The following ARHGEF10L variants were observed in gnomAD, a reference collection of about 807,000 sequenced individuals.
ARHGEF10L encodes Rho guanine nucleotide exchange factor 10 like.
In ARHGEF10L, 69 loss-of-function variants were observed where a neutral mutation model predicts 141.2. The observed-to-expected ratio is 0.49, with a 90% CI of 0.40 to 0.60. The LOEUF is 0.60. Among genes scored for constraint, ARHGEF10L ranks in the 20% least tolerant of loss-of-function variants. The probability of loss-of-function intolerance (pLI) is 0.00; values close to 1 mark genes in which losing one functional copy is unlikely to be tolerated. For missense variants in ARHGEF10L, 1,482 were observed against 1,734.3 expected (o/e 0.85, Z 2.58); for synonymous variants, 711 against 718.5 (o/e 0.99, Z 0.17).
rs952318171 is a variant in ARHGEF10L at position 17,625,542 on chromosome 1, G to C, written c.1318-414G>C. On this transcript the variant is annotated intron_variant, in intron 13 of 28. Coordinates refer to ENST00000361221, the MANE Select transcript of ARHGEF10L (RefSeq NM_018125.4). The surrounding 1 kb of genome is among the most constrained non-coding windows in gnomAD (Gnocchi z 4.5). ...GGACCAGGTAACAGGTGTGTGGATG[G>C]AGTGGGGGATGGATGCAAGAGACAG... 1.3e-4 allele frequency among the ~76,000 whole-genome samples: 20 copies of C among 152,092 alleles called. No homozygotes were observed. The highest frequency in any genetic ancestry group is 4.8e-4 in the African/African-American group (20 of 41,388).
intron 22 of ARHGEF10L, among the ~76,000 whole-genome samples, chr1:17,649,777 G>A (rs2061808505): frequency 6.6e-6 from 1 of 152,194 alleles, no homozygotes. Flanking sequence ...ATGGCCTCTT[G>A]GAGGAGGTGG....
At chr1:17,687,960 G>T (rs573209422) in intron 27 of ARHGEF10L, among the ~76,000 whole-genome samples, 2 of 152,312 alleles carry the variant, frequency 1.3e-5, no homozygotes, top group Admixed American at 6.5e-5. Context: ...CCCAGCCACC[G>T]CATCACAGCA....
chr1:17,627,371 G>C lies in ARHGEF10L; in HGVS notation c.1452G>C (p.Leu484=), dbSNP rs370122355. The change falls in exon 15 of 29, where the codon CTG becomes CTC. Residue 484 remains leucine, a synonymous_variant. Transcript: ENST00000361221. The surrounding 1 kb of genome is among the most constrained non-coding windows in gnomAD (Gnocchi z 4.0). ...CCCCCAGGGGCCATCCGGACAGGCT[G>C]TCGCTGCAGCTGGCCCTCACAGAGC... ...KNTPRGHPDR[L]SLQLALTELE... is the part of the protein sequence containing the mutation. 5 of 1,614,106 alleles carry C rather than the reference G, an allele frequency of 3.1e-6. No homozygotes were observed. The highest frequency in any genetic ancestry group is 4.2e-6 in the Non-Finnish European group (5 of 1,180,032).
the ARHGEF10L span, among the ~76,000 whole-genome samples, chr1:17,527,021 G>A: frequency 2.6e-5 from 4 of 152,060 alleles, no homozygotes; most frequent in African/African-American, 9.7e-5. Flanking sequence ...GTGGGGCCGG[G>A]ATCCCACTCT....
the ARHGEF10L span, among the ~76,000 whole-genome samples, chr1:17,534,643 G>A: frequency 3.3e-5 from 5 of 149,756 alleles, no homozygotes; most frequent in Non-Finnish European, 5.9e-5. Flanking sequence ...AGGCTGGAGT[G>A]CAGTGGCACA....
chr1:17,653,553 T>C (rs2062055302), intron 22 of ARHGEF10L, among the ~76,000 whole-genome samples: 1 of 152,136 alleles, frequency 6.6e-6, no homozygotes, highest in Admixed American at 6.5e-5. Flanking sequence ...AACTAGATGC[T>C]GCCACCAGGA....
chr1:17,636,600 A>G (rs916543098), intron 18 of ARHGEF10L, among the ~76,000 whole-genome samples: 4 of 151,916 alleles, frequency 2.6e-5, no homozygotes, highest in Admixed American at 2.6e-4. Context: ...ATTTCCCATG[A>G]GCTCCCCAGT....
chr1:17,661,366 C>T (rs898346228), intron 25 of ARHGEF10L, among the ~76,000 whole-genome samples: 1 of 152,264 alleles, frequency 6.6e-6, no homozygotes, highest in African/African-American at 2.4e-5. Context: ...GCGTGAGCCA[C>T]CGTACCCGGC....
At chr1:17,514,292 C>G in the ARHGEF10L span, among the ~76,000 whole-genome samples, 16 of 151,676 alleles carry the variant, frequency 1.1e-4, no homozygotes, top group Non-Finnish European at 1.8e-4. Flanking sequence ...CCTGCCACCA[C>G]GCCCAGCTAA....
chr1:17,608,173 G>A (rs2081350201), intron 7 of ARHGEF10L, among the ~76,000 whole-genome samples, 196 bp downstream of exon 7: 1 of 152,208 alleles, frequency 6.6e-6, no homozygotes, highest in Non-Finnish European at 1.5e-5. Flanking sequence ...CGTAGACATT[G>A]CTGTTGGCAG....
rs542002989 is a variant in ARHGEF10L at position 17,620,296 on chromosome 1, T to C, written c.942+851T>C. Among the ~76,000 whole-genome samples, 9 of 152,104 alleles carry C rather than the reference T, an allele frequency of 5.9e-5. No individual in the cohort carries two copies. The East Asian group carries it at 1.7e-3, about 29-fold the overall frequency. ...CTGGGATCTCAGCCCAGTCATGTTG[T>C]CCCTTCGCTATCTGTGTTTTGCCAG... On this transcript the variant is annotated intron_variant, in intron 10 of 28. Coordinates refer to ENST00000361221, the MANE Select transcript of ARHGEF10L (RefSeq NM_018125.4).
intron 7 of ARHGEF10L, among the ~76,000 whole-genome samples, chr1:17,609,423 C>T (rs546610448): frequency 1.3e-5 from 2 of 152,332 alleles, no homozygotes; most frequent in African/African-American, 4.8e-5. Flanking sequence ...ATTTACAACA[C>T]CTACTGTGTG....
At chr1:17,634,765 A>G in intron 17 of ARHGEF10L, 70 bp from the exon 18 acceptor site, 1 of 1,503,940 alleles carries the variant, frequency 6.6e-7, no homozygotes, top group African/African-American at 1.4e-5. Flanking sequence ...TGGAGGAGCA[A>G]TGCCCTGGGC....
At chr1:17,588,299 G>A in intron 3 of ARHGEF10L, 147 bp from the exon 4 acceptor site, 1 of 765,902 alleles carries the variant, frequency 1.3e-6, no homozygotes, top group Non-Finnish European at 2.2e-6. Context: ...CAGGGCTGGG[G>A]GAGGGAGGCG....
At chr1:17,622,079 C>A in intron 11 of ARHGEF10L, 138 bp downstream of exon 11, 1 of 792,294 alleles carries the variant, frequency 1.3e-6, no homozygotes, top group Non-Finnish European at 2.1e-6. Flanking sequence ...TTTATGGGGA[C>A]AGTAGAACCT....
chr1:17,573,111 C>T lies in ARHGEF10L; in HGVS notation c.-43-7442C>T, dbSNP rs1037462110. Among the ~76,000 whole-genome samples the T allele has an allele frequency of 6.6e-6, 1 of 152,182 alleles. No individual in the cohort carries two copies. On this transcript the variant is annotated intron_variant, in intron 1 of 28. Transcript: ENST00000361221. The surrounding 1 kb of genome is among the most constrained non-coding windows in gnomAD (Gnocchi z 4.8). ...AGGGACGCACATGGACCTCCCTTTCCCTGCCTGCCTCATCCTCCTGGGGGG... is the reference window on the plus strand; with the variant it reads ...AGGGACGCACATGGACCTCCCTTTCTCTGCCTGCCTCATCCTCCTGGGGGG...
chr1:17,640,396 C>T, intron 21 of ARHGEF10L, 94 bp downstream of exon 21: 1 of 1,072,210 alleles, frequency 9.3e-7, no homozygotes, highest in Non-Finnish European at 1.3e-6. Context: ...TGTTCGGGGT[C>T]AGCGGGGGGC....
chr1:17,661,581 A>C (rs1323340093), intron 25 of ARHGEF10L, among the ~76,000 whole-genome samples: 1 of 152,130 alleles, frequency 6.6e-6, no homozygotes, highest in Non-Finnish European at 1.5e-5. Context: ...AGTGGATGCA[A>C]GGGCTCCGGT....
chr1:17,585,165 CA>C (rs2078917882), intron 2 of ARHGEF10L, among the ~76,000 whole-genome samples: 1 of 152,124 alleles, frequency 6.6e-6, no homozygotes, highest in Non-Finnish European at 1.5e-5. Context: ...TATGAGCTAC[CA>C]GGGGTTGGGA....
Sources: allele counts gnomAD v4.1 joint callset (sites outside exome capture counted in the v4.1 genomes callset), GRCh38; gene constraint gnomAD v4.1.1; non-coding constraint Gnocchi (gnomAD v3.1); transcripts MANE v1.5; gene names NCBI Gene and HGNC (gene_info 2026-07-23, HGNC 2026-07-21).